The following ZC3H13 variants were observed in gnomAD, a reference collection of about 807,000 sequenced individuals.
The protein encoded by ZC3H13 is zinc finger CCCH domain-containing protein 13.
ZC3H13 carries 64 observed loss-of-function variants against 204.1 expected under a neutral mutation model. The ratio of observed to expected loss-of-function variants is 0.31; its 90% CI spans 0.26 to 0.39. ZC3H13 has a LOEUF of 0.39. ZC3H13 is among the 10% of genes least tolerant of loss of function. ZC3H13 has a pLI of 1.00. For missense variants in ZC3H13, 1,833 were observed against 2,082.7 expected (o/e 0.88, Z 2.33); for synonymous variants, 667 against 693.7 (o/e 0.96, Z 0.60).
At position 45,954,734 on chromosome 13, in the gene ZC3H13, T is replaced by C. The variant is rs1951196680; in HGVS notation, c.*2393A>G. Reference sequence around the variant, plus strand: ...GGAGCAAAGTGGGAGATTCTACCAATGCCACTTACAGAACAGATTTTCAAG... The same window carrying C: ...GGAGCAAAGTGGGAGATTCTACCAACGCCACTTACAGAACAGATTTTCAAG... On this transcript the variant is annotated 3_prime_UTR_variant, in exon 19 of 19. Coordinates refer to ENST00000679008, the MANE Select transcript of ZC3H13 (RefSeq NM_001330564.2). 6.6e-6 allele frequency: 1 copy of C among 152,202 alleles called. No homozygotes were observed. Among genetic ancestry groups the C allele is most frequent in the Non-Finnish European group, 1.5e-5 (1 of 68,034 alleles). The allele number at this position is 152,202 out of a possible 1,614,324, so 9.4% of individuals were successfully genotyped here.
At chr13:45,983,109 C>T (rs1211875597) in intron 10 of ZC3H13, among the ~76,000 whole-genome samples, 1 of 151,896 alleles carries the variant, frequency 6.6e-6, no homozygotes, top group Non-Finnish European at 1.5e-5. Context: ...TTAAAACAAA[C>T]TTTATCTTAG....
At chr13:46,029,589 C>T (rs979352650) in intron 4 of ZC3H13, among the ~76,000 whole-genome samples, 6 of 151,560 alleles carry the variant, frequency 4.0e-5, no homozygotes, top group Non-Finnish European at 8.8e-5. Flanking sequence ...CTACCACGCC[C>T]GGCTAATTTT....
At chr13:45,967,391 A>G in intron 15 of ZC3H13, 113 bp downstream of exon 15, 3 of 1,194,404 alleles carry the variant, frequency 2.5e-6, no homozygotes, top group South Asian at 1.8e-5. Context: ...AGAAGAATGG[A>G]GAATGGAGTC....
intron 3 of ZC3H13, among the ~76,000 whole-genome samples, chr13:46,043,019 A>G (rs911959311): frequency 1.3e-5 from 2 of 152,006 alleles, no homozygotes; most frequent in African/African-American, 4.8e-5. Flanking sequence ...ATTTGACAGT[A>G]TATGGCTATG....
intron 8 of ZC3H13, among the ~76,000 whole-genome samples, chr13:45,994,515 A>T (rs1433964017): frequency 6.6e-6 from 1 of 152,248 alleles, no homozygotes; most frequent in Non-Finnish European, 1.5e-5. Context: ...AACGTGGTTC[A>T]AGGTAAGAGC....
In ZC3H13 at chr13:45,975,615, A is replaced by G. The variant is rs1268732500; in HGVS notation, c.2136T>C (p.Ala712=). ...EKERELERER[A]REREREREKE... ...TTTCTCTTTCTCTCTCCCGTTCCCT[A>G]GCACGCTCTCTTTCTAGTTCTCTCT... Residue 712 remains alanine, a synonymous_variant, in exon 12 of 19, where the codon GCT becomes GCC. Coordinates refer to ENST00000679008, the MANE Select transcript of ZC3H13 (RefSeq NM_001330564.2). 3 of 1,568,842 alleles carry G rather than the reference A, an allele frequency of 1.9e-6. No homozygotes were observed. The African/African-American group carries it at 4.2e-5, about 22-fold the overall frequency.
At chr13:45,963,310 A>G in intron 17 of ZC3H13, 1 of 986,702 alleles carries the variant, frequency 1.0e-6, no homozygotes, top group Non-Finnish European at 1.2e-6. Flanking sequence ...AAGGGCTGCC[A>G]AAATACCCAA....
intron 7 of ZC3H13, among the ~76,000 whole-genome samples, chr13:46,007,482 C>CAA (rs2041236657): frequency 6.6e-6 from 1 of 152,192 alleles, no homozygotes; most frequent in South Asian, 2.1e-4. Context: ...CAATCAGAAA[C>CAA]ACTCATTTTG....
intron 12 of ZC3H13, among the ~76,000 whole-genome samples, chr13:45,970,983 G>A (rs1424318206): frequency 1.3e-5 from 2 of 152,096 alleles, no homozygotes; most frequent in Non-Finnish European, 2.9e-5. Context: ...AAAATGGTGG[G>A]TGGGGCTGAA....
intron 9 of ZC3H13, among the ~76,000 whole-genome samples, chr13:45,987,345 C>A (rs9534267): frequency 0.99 from 150,264 of 152,316 alleles, 74,158 homozygotes; most frequent in East Asian, 1. Flanking sequence ...TTTTCCCTTC[C>A]TTAGTATGTT....
chr13:46,028,176 G>A (rs1344988739), intron 4 of ZC3H13, among the ~76,000 whole-genome samples: 2 of 152,072 alleles, frequency 1.3e-5, no homozygotes, highest in African/African-American at 2.4e-5. Context: ...GTATGAGTAG[G>A]TATATTAATT....
At position 45,968,873 on chromosome 13, in the gene ZC3H13, C is replaced by A. The variant is rs555865842; in HGVS notation, c.3671G>T (p.Arg1224Leu). 1 of 1,613,966 alleles carries A rather than the reference C, an allele frequency of 6.2e-7. No individual in the cohort carries two copies. Among genetic ancestry groups the A allele is most frequent in the African/African-American group, 1.3e-5 (1 of 74,894 alleles). The part of the protein sequence containing the change: ...AHRSGDDQSG[R>L]KRVLHSGSRD... ...TGAGCCACTGTGCAGTACTCTCTTT[C>A]GACCACTTTGGTCATCTCCACTTCG... Residue 1224 changes from arginine to leucine, a missense_variant, in exon 14 of 19, where the codon CGA (arginine) becomes CTA (leucine). This residue lies in a region of ZC3H13 where 1,574 missense variants were observed against 1,757.2 expected (regional missense o/e 0.90). Coordinates refer to ENST00000679008, the MANE Select transcript of ZC3H13 (RefSeq NM_001330564.2).
chr13:45,972,667 G>A (rs950404182), intron 12 of ZC3H13, among the ~76,000 whole-genome samples: 3 of 152,108 alleles, frequency 2.0e-5, no homozygotes, highest in African/African-American at 4.8e-5. Flanking sequence ...AAGGCCCCAG[G>A]TGTAATATGA....
chr13:45,983,480 G>T (rs1401014414), intron 10 of ZC3H13, among the ~76,000 whole-genome samples: 1 of 112,482 alleles, frequency 8.9e-6, no homozygotes, highest in Non-Finnish European at 1.7e-5. Flanking sequence ...AAGCTGGACT[G>T]CAGTGGCGCT....
At chr13:46,044,924 G>C in intron 3 of ZC3H13, 31 bp downstream of exon 3, 1 of 1,535,654 alleles carries the variant, frequency 6.5e-7, no homozygotes, top group Non-Finnish European at 8.9e-7. Context: ...TCTTCTAATA[G>C]TACATGAACA....
intron 7 of ZC3H13, among the ~76,000 whole-genome samples, chr13:46,004,839 A>G (rs1004898455): frequency 6.6e-6 from 1 of 152,154 alleles, no homozygotes; most frequent in African/African-American, 2.4e-5. Context: ...TTTGTCTTTA[A>G]TCTACTTGTA....
chr13:45,959,925 AT>A (rs1000950981), intron 17 of ZC3H13, among the ~76,000 whole-genome samples: 244 of 148,950 alleles, frequency 1.6e-3, no homozygotes, highest in Non-Finnish European at 2.9e-3. Context: ...AGCCCAGGGA[AT>A]TTTTTTTTTA....
At chr13:46,003,888 C>T (rs1382804751) in intron 7 of ZC3H13, among the ~76,000 whole-genome samples, 1 of 151,774 alleles carries the variant, frequency 6.6e-6, no homozygotes, top group African/African-American at 2.4e-5. Flanking sequence ...TATAAAAATC[C>T]GAAAAGAAAA....
At chr13:46,019,515 T>C (rs764326246) in intron 5 of ZC3H13, among the ~76,000 whole-genome samples, 5 of 152,148 alleles carry the variant, frequency 3.3e-5, no homozygotes, top group African/African-American at 4.8e-5. Flanking sequence ...AAGACAATTA[T>C]ATAAATTACA....
Sources: gnomAD v4.1 joint callset for allele counts (sites outside exome capture counted in the v4.1 genomes callset) on GRCh38, gnomAD v4.1.1 for gene constraint, gnomAD v4.1.1 regional missense constraint, MANE v1.5 for transcripts, NCBI Gene and HGNC (gene_info 2026-07-23, HGNC 2026-07-21) for gene names.